LYPLAL1: variants seen among roughly 807,000 people sequenced by gnomAD.
LYPLAL1 encodes lysophospholipase like 1.
A neutral mutation model predicts 19.7 loss-of-function variants in LYPLAL1; 23 were observed. That is an observed-to-expected ratio of 1.17 (90% confidence interval 0.84 to 1.65). The LOEUF (loss-of-function observed/expected upper bound fraction) is 1.65, where lower values mean the gene tolerates loss of function less well. LYPLAL1 is among the 40% of genes most tolerant of loss of function. The probability of loss-of-function intolerance (pLI) is 0.00; values close to 1 mark genes in which losing one functional copy is unlikely to be tolerated. For synonymous variants in LYPLAL1, 119 were observed against 96.3 expected (o/e 1.24, Z -1.38); for missense variants, 355 against 279.4 (o/e 1.27, Z -1.93).
At chr1:219,439,447 G>A in the LYPLAL1 span, among the ~76,000 whole-genome samples, 1 of 152,132 alleles carries the variant, frequency 6.6e-6, no homozygotes, top group South Asian at 2.1e-4. Context: ...AACCTCAGCA[G>A]CCTAGAATAC....
the LYPLAL1 span, among the ~76,000 whole-genome samples, chr1:219,340,446 C>G: frequency 6.6e-6 from 1 of 151,942 alleles, no homozygotes. Flanking sequence ...GTGAACACAA[C>G]CAACCAATTA....
At chr1:219,263,068 A>G in the LYPLAL1 span, among the ~76,000 whole-genome samples, 1 of 152,166 alleles carries the variant, frequency 6.6e-6, no homozygotes, top group Non-Finnish European at 1.5e-5. Flanking sequence ...GGTAATGGGC[A>G]GGGCCATAAA....
chr1:219,374,004 G>C, the LYPLAL1 span, among the ~76,000 whole-genome samples: 2,977 of 151,898 alleles, frequency 0.02, 78 homozygotes, highest in African/African-American at 0.067. Flanking sequence ...TAATCATACA[G>C]TTTATTGGGT....
At chr1:219,229,943 A>G in the LYPLAL1 span, among the ~76,000 whole-genome samples, 12 of 152,204 alleles carry the variant, frequency 7.9e-5, no homozygotes, top group Non-Finnish European at 1.2e-4. Context: ...TGTCATTTAA[A>G]TGGGTGAGAC....
chr1:219,197,803 G>C (rs1657728476), intron 3 of LYPLAL1, among the ~76,000 whole-genome samples: 1 of 152,036 alleles, frequency 6.6e-6, no homozygotes, highest in Non-Finnish European at 1.5e-5. Flanking sequence ...CCCATTAAAA[G>C]GTGGGCAAAG....
At chr1:219,192,463 A>G (rs1198265106) in intron 2 of LYPLAL1, among the ~76,000 whole-genome samples, 1 of 151,420 alleles carries the variant, frequency 6.6e-6, no homozygotes, top group African/African-American at 2.4e-5. Context: ...TTTCTTTGCC[A>G]CTCTGTTTCT....
chr1:219,275,096 C>T, the LYPLAL1 span, among the ~76,000 whole-genome samples: 1 of 152,176 alleles, frequency 6.6e-6, no homozygotes, highest in African/African-American at 2.4e-5. Context: ...TCTCTCTTCC[C>T]TGCCTACAGT....
chr1:219,381,443 C>T, the LYPLAL1 span, among the ~76,000 whole-genome samples: 1 of 152,316 alleles, frequency 6.6e-6, no homozygotes, highest in South Asian at 2.1e-4. Flanking sequence ...AATTTCTTGG[C>T]TGTCATGTAG....
chr1:219,253,238 C>T, the LYPLAL1 span, among the ~76,000 whole-genome samples: 4 of 151,920 alleles, frequency 2.6e-5, no homozygotes, highest in Non-Finnish European at 4.4e-5. Context: ...AAAACAACTC[C>T]TGGATTTATT....
intron 2 of LYPLAL1, among the ~76,000 whole-genome samples, chr1:219,191,684 A>G (rs1040932770): frequency 2.0e-5 from 3 of 151,508 alleles, no homozygotes; most frequent in Admixed American, 2.0e-4. Flanking sequence ...GAATGTAGAG[A>G]TGGGTAAAAA....
chr1:219,423,316 C>T, the LYPLAL1 span, among the ~76,000 whole-genome samples: 1 of 152,130 alleles, frequency 6.6e-6, no homozygotes, highest in Non-Finnish European at 1.5e-5. Flanking sequence ...TGGTCTTCAG[C>T]CCATCATGTC....
the LYPLAL1 span, among the ~76,000 whole-genome samples, chr1:219,244,096 G>A: frequency 7.6e-3 from 1,151 of 152,026 alleles, 4 homozygotes; most frequent in South Asian, 0.023. Context: ...GAAAACTATC[G>A]ATTTGAGCCT....
the LYPLAL1 span, among the ~76,000 whole-genome samples, chr1:219,364,511 C>T: frequency 0.038 from 5,076 of 132,664 alleles, 282 homozygotes; most frequent in African/African-American, 0.12. Context: ...CACTCTTTTT[C>T]GCATCTTGTT....
the LYPLAL1 span, among the ~76,000 whole-genome samples, chr1:219,249,090 G>A: frequency 6.6e-6 from 1 of 151,786 alleles, no homozygotes; most frequent in Non-Finnish European, 1.5e-5. Flanking sequence ...TCATTATGTG[G>A]ATATCTCACA....
the LYPLAL1 span, among the ~76,000 whole-genome samples, chr1:219,440,314 C>T: frequency 6.6e-6 from 1 of 152,070 alleles, no homozygotes; most frequent in African/African-American, 2.4e-5. Flanking sequence ...TTTACTACCT[C>T]TGCCCACTGA....
At chr1:219,291,885 CAA>C in the LYPLAL1 span, among the ~76,000 whole-genome samples, 44 of 117,642 alleles carry the variant, frequency 3.7e-4, no homozygotes, top group Non-Finnish European at 3.2e-4. Flanking sequence ...CGGAATAAAG[CAA>C]AAAAAAAAAA....
the LYPLAL1 span, among the ~76,000 whole-genome samples, chr1:219,299,006 G>A: frequency 1.3e-5 from 2 of 152,156 alleles, no homozygotes; most frequent in African/African-American, 4.8e-5. Flanking sequence ...ACTTTCACAA[G>A]AGACTTAATT....
chr1:219,176,839 A>G (rs886796625), intron 1 of LYPLAL1, among the ~76,000 whole-genome samples: 2 of 152,362 alleles, frequency 1.3e-5, no homozygotes, highest in Admixed American at 6.5e-5. Flanking sequence ...TCATGAATCC[A>G]TTCATTCAAG....
chr1:219,391,616 G>A, the LYPLAL1 span, among the ~76,000 whole-genome samples: 1 of 151,340 alleles, frequency 6.6e-6, no homozygotes, highest in Non-Finnish European at 1.5e-5. Context: ...TTGTCTCACT[G>A]AAATCTGATA....
Sources: gnomAD v4.1 joint callset for allele counts (sites outside exome capture counted in the v4.1 genomes callset) on GRCh38, gnomAD v4.1.1 for gene constraint, MANE v1.5 for transcripts, NCBI Gene and HGNC (gene_info 2026-07-23, HGNC 2026-07-21) for gene names.